The following GNG7 variants were observed in gnomAD, a reference collection of about 807,000 sequenced individuals.
GNG7 encodes the protein G protein subunit gamma 7.
GNG7 carries 1 observed loss-of-function variant against 4.0 expected under a neutral mutation model. That is an observed-to-expected ratio of 0.25 (90% CI 0.09 to 1.18). The LOEUF is 1.18. Among genes scored for constraint, GNG7 ranks in the 50% most tolerant of loss-of-function variants. The pLI is 0.50. For missense variants in GNG7, 86 were observed against 91.9 expected, an observed-to-expected ratio of 0.94 and a Z score of 0.26; for synonymous variants, 34 against 36.9, an observed-to-expected ratio of 0.92 and a Z score of 0.29.
chr19:2,514,500 A>T lies in GNG7; in HGVS notation c.*522T>A, dbSNP rs1972699620. ...TTAAATAAAGAGATATTTCCAAAAA[A>T]CTTCATGATGTCACCTCCCGCCCCC... On this transcript the variant is annotated 3_prime_UTR_variant, in exon 5 of 5. Coordinates refer to ENST00000382159, the MANE Select transcript of GNG7 (RefSeq NM_052847.3). 6.5e-6 allele frequency: 1 copy of T among 153,336 alleles called. No individual in the cohort carries two copies. Among genetic ancestry groups the T allele is most frequent in the Non-Finnish European group, 1.5e-5 (1 of 68,940 alleles). 9.5% of individuals were successfully genotyped at this position (153,336 alleles called of 1,614,324 possible). A position where few individuals can be genotyped will look rare whatever the true frequency, so the allele number is the denominator to read the frequency against.
At chr19:2,538,453 G>A (rs144223019) in intron 3 of GNG7, 29,087 of 262,878 alleles carry the variant, frequency 0.11, 4,396 homozygotes, top group East Asian at 0.57. Flanking sequence ...TGAGACCCCC[G>A]TCTCTGCAAA....
intron 3 of GNG7, among the ~76,000 whole-genome samples, chr19:2,531,295 T>C (rs1436537766): frequency 2.1e-5 from 2 of 97,116 alleles, no homozygotes; most frequent in Admixed American, 1.4e-4. Flanking sequence ...CTGAGTGAGA[T>C]TCCGTCTCAA....
chr19:2,650,506 T>C (rs1982783410), intron 1 of GNG7, among the ~76,000 whole-genome samples: 2 of 152,196 alleles, frequency 1.3e-5, no homozygotes, highest in African/African-American at 4.8e-5. Context: ...ATTTTTAAGA[T>C]GAGTTCTCAC....
chr19:2,584,930 AGGAG>A (rs1335511984), intron 2 of GNG7, among the ~76,000 whole-genome samples: 1,377 of 37,772 alleles, frequency 0.036, 123 homozygotes, highest in African/African-American at 0.044. Context: ...GAAGGAAGGA[AGGAG>A]GGAGGGAGGG....
chr19:2,553,983 G>A, intron 3 of GNG7, among the ~76,000 whole-genome samples: 1 of 48,210 alleles, frequency 2.1e-5, no homozygotes, highest in East Asian at 4.1e-4. Context: ...TATATTATAT[G>A]TAATATATAT....
At chr19:2,620,735 G>A (rs1455205627) in intron 2 of GNG7, among the ~76,000 whole-genome samples, 1 of 152,152 alleles carries the variant, frequency 6.6e-6, no homozygotes, top group Non-Finnish European at 1.5e-5. Flanking sequence ...CAGCTACTTG[G>A]GAGGTTGAGG....
intron 3 of GNG7, among the ~76,000 whole-genome samples, chr19:2,540,735 C>T (rs1018716741): frequency 9.8e-5 from 15 of 152,342 alleles, no homozygotes; most frequent in African/African-American, 3.6e-4. Flanking sequence ...GGCTTCCCTC[C>T]TCCCGGGGAG....
chr19:2,607,412 C>T lies in GNG7; in HGVS notation c.-78+38812G>A, dbSNP rs943619782. On this transcript the variant is annotated intron_variant, in intron 2 of 4. Transcript: ENST00000382159. ...AGCATGATGGCAGGCGCCTGTTATC[C>T]CAGCTACTTGGGAGGCTGAGGCAGG... 6.4e-4 allele frequency among the ~76,000 whole-genome samples: 97 copies of T among 150,660 alleles called. 2 individuals are homozygous for T. The highest frequency in any genetic ancestry group is 2.6e-4 in the Admixed American group (4 of 15,160).
At chr19:2,642,659 C>T (rs1397750262) in intron 2 of GNG7, 3 of 390,892 alleles carry the variant, frequency 7.7e-6, no homozygotes, top group African/African-American at 6.2e-5. Context: ...TGCCACCATA[C>T]CTGTCTAATT....
intron 3 of GNG7, among the ~76,000 whole-genome samples, chr19:2,531,298 C>T (rs927873800): frequency 1.0e-4 from 8 of 79,032 alleles, no homozygotes; most frequent in African/African-American, 3.3e-4. Flanking sequence ...AGTGAGATTC[C>T]GTCTCAAAAA....
intron 1 of GNG7, among the ~76,000 whole-genome samples, chr19:2,681,824 G>A (rs1326738385): frequency 6.6e-6 from 1 of 152,204 alleles, no homozygotes; most frequent in South Asian, 2.1e-4. Flanking sequence ...CCTACTGGGT[G>A]TGAAGTGGTA....
At chr19:2,641,588 A>G (rs1225608008) in intron 2 of GNG7, among the ~76,000 whole-genome samples, 2 of 152,122 alleles carry the variant, frequency 1.3e-5, no homozygotes, top group South Asian at 4.1e-4. Context: ...TGGAGCCCCA[A>G]GGAGGGACTG....
chr19:2,513,178 G>A lies in GNG7; in HGVS notation c.*1844C>T, dbSNP rs970099449. The A allele has an allele frequency of 3.1e-6, 3 of 963,184 alleles. No individual in the cohort carries two copies. The highest frequency in any genetic ancestry group is 3.7e-6 in the Non-Finnish European group (3 of 809,726). 59.7% of individuals were successfully genotyped at this position (963,184 alleles called of 1,614,324 possible). ...CTAGCCTTGGCGAGGTGGGAACCCT[G>A]GCAGTCACCAGCTCAGGAAGTGAGC... On this transcript the variant is annotated 3_prime_UTR_variant, in exon 5 of 5. Transcript: ENST00000382159.
rs1299424592 is a variant in GNG7, at chr19:2,546,133, AAG to A, written c.-38+9014_-38+9015del. On this transcript the variant is annotated intron_variant, in intron 3 of 4. Transcript: ENST00000382159. The surrounding 1 kb of genome is among the most constrained non-coding windows in gnomAD (Gnocchi z 6.3). ...CTGCCATGTTCTCACCAGGACGCCAAAGAGGGGACCCACGCAGAGCCCGGGGA... is the reference window on the plus strand; with the variant it reads ...CTGCCATGTTCTCACCAGGACGCCAAAGGGGACCCACGCAGAGCCCGGGGA... 6.6e-6 allele frequency among the ~76,000 whole-genome samples: 1 copy of A among 152,208 alleles called. No individual in the cohort carries two copies. The highest frequency in any genetic ancestry group is 1.5e-5 in the Non-Finnish European group (1 of 68,034).
chr19:2,549,923 G>GT (rs1198161120), intron 3 of GNG7, among the ~76,000 whole-genome samples: 1 of 152,224 alleles, frequency 6.6e-6, no homozygotes, highest in African/African-American at 2.4e-5. Context: ...GGAGTGTGTG[G>GT]TTTTGCTCAC....
intron 2 of GNG7, among the ~76,000 whole-genome samples, chr19:2,567,331 T>TTGTGTGTGTGTG (rs3221748): frequency 0.27 from 37,153 of 137,082 alleles, 5,552 homozygotes; most frequent in Non-Finnish European, 0.34. Flanking sequence ...TGTCGTCGAT[T>TTGTGTGTGTGTG]TGTGTGTGTG....
chr19:2,561,714 T>TAAAA (rs370642587), intron 2 of GNG7, among the ~76,000 whole-genome samples: 9 of 136,792 alleles, frequency 6.6e-5, no homozygotes, highest in African/African-American at 2.5e-4. Flanking sequence ...CCGTCTCTAC[T>TAAAA]AAAAAAAAAA....
chr19:2,687,220 G>A (rs2144906294), intron 1 of GNG7, among the ~76,000 whole-genome samples: 1 of 152,230 alleles, frequency 6.6e-6, no homozygotes. Context: ...ACTATACTCA[G>A]TTAATTTTTT....
At position 2,635,579 on chromosome 19, in the gene GNG7, TG is replaced by T. The variant is rs1476866758; in HGVS notation, c.-78+10644del. On this transcript the variant is annotated intron_variant, in intron 2 of 4. Transcript: ENST00000382159. ...ACCTGAGACCCAGGAGGTCTCAACT[TG>T]GGGTGATTTTTTTTTTTTTTGAGAC... 4.8e-5 allele frequency among the ~76,000 whole-genome samples: 6 copies of T among 125,814 alleles called. No homozygotes were observed. In the Admixed American group the frequency reaches 5.0e-4, roughly 11 times the overall value. 82.5% of individuals were successfully genotyped at this position (125,814 alleles called of 152,430 possible).
Sources: gnomAD v4.1 joint callset for allele counts (sites outside exome capture counted in the v4.1 genomes callset) on GRCh38, gnomAD v4.1.1 for gene constraint, Gnocchi (gnomAD v3.1) non-coding constraint, MANE v1.5 for transcripts, NCBI Gene and HGNC (gene_info 2026-07-23, HGNC 2026-07-21) for gene names.